The following RBM25 variants were observed in gnomAD, a reference collection of about 807,000 sequenced individuals.
RBM25 encodes the protein RNA-binding protein 25.
Under a neutral mutation model 120.7 loss-of-function variants are expected in RBM25, and 19 were observed. The ratio of observed to expected loss-of-function variants is 0.16; its 90% CI spans 0.11 to 0.23. The LOEUF is 0.23. Ranked by LOEUF, RBM25 falls within the 10% of genes least tolerant of loss-of-function variation. The probability of loss-of-function intolerance (pLI) is 1.00; values close to 1 mark genes in which losing one functional copy is unlikely to be tolerated. For missense variants in RBM25, 605 were observed against 1,041.5 expected (o/e 0.58, Z 5.77); for synonymous variants, 390 against 326.7 (o/e 1.19, Z -2.09).
At chr14:73,082,268 TC>T (rs1895580483) in intron 4 of RBM25, among the ~76,000 whole-genome samples, 1 of 152,114 alleles carries the variant, frequency 6.6e-6, no homozygotes. Flanking sequence ...CCTCCTTCTG[TC>T]TTTTTTTTAA....
intron 6 of RBM25, among the ~76,000 whole-genome samples, chr14:73,096,196 T>C (rs1895938625): frequency 2.0e-5 from 3 of 152,132 alleles, no homozygotes; most frequent in Admixed American, 2.0e-4. Context: ...AGGCTGGTCT[T>C]GAACTCCTGA....
chr14:73,113,965 T>C (rs1896370831), intron 17 of RBM25, among the ~76,000 whole-genome samples: 1 of 152,218 alleles, frequency 6.6e-6, no homozygotes, highest in African/African-American at 2.4e-5. Flanking sequence ...ATAGCTATGG[T>C]ATTTTTTTGC....
intron 2 of RBM25, 135 bp from the exon 3 acceptor site, chr14:73,076,184 T>C: frequency 1.4e-6 from 1 of 728,312 alleles, no homozygotes; most frequent in Non-Finnish European, 2.3e-6. Flanking sequence ...AATAAGATAG[T>C]ATTTATCAGT....
At position 73,076,340 on chromosome 14, in the gene RBM25, C is replaced by G; in HGVS notation, c.128C>G (p.Pro43Arg). 6.2e-7 allele frequency: 1 copy of G among 1,612,640 alleles called. No homozygotes were observed. The highest frequency in any genetic ancestry group is 8.5e-7 in the Non-Finnish European group (1 of 1,178,860). ...TTAGGGACCCCAATGATTCCTGTAC[C>G]AATGAGCATTATGGCTCCTGCTCCA... is the stretch of plus-strand genomic sequence containing the variant. ...VPPGTPMIPV[P>R]MSIMAPAPTV... Residue 43 changes from proline to arginine, a missense_variant, in exon 3 of 19, where the codon CCA becomes CGA. Pro to Arg is a moderately radical substitution (Grantham distance 103, BLOSUM62 -2). Coordinates refer to ENST00000261973, the MANE Select transcript of RBM25 (RefSeq NM_021239.3).
At chr14:73,065,927 T>C (rs1257366711) in intron 1 of RBM25, among the ~76,000 whole-genome samples, 2 of 152,196 alleles carry the variant, frequency 1.3e-5, no homozygotes, top group African/African-American at 2.4e-5. Context: ...AATGAGTTCA[T>C]GGCCCAGTCT....
chr14:73,093,948 G>GTTTTT (rs1004873413), intron 6 of RBM25, among the ~76,000 whole-genome samples: 20 of 122,188 alleles, frequency 1.6e-4, no homozygotes, highest in Non-Finnish European at 2.4e-4. Flanking sequence ...ATCAGGTTTT[G>GTTTTT]TTTTTTTTTT....
chr14:73,101,512 G>GTGTA (rs35216729), intron 9 of RBM25: 14 of 137,488 alleles, frequency 1.0e-4, no homozygotes, highest in African/African-American at 3.2e-4. Flanking sequence ...ATACATGTGT[G>GTGTA]TATATATATA....
intron 7 of RBM25, 63 bp from the exon 8 acceptor site, chr14:73,099,317 T>C: frequency 6.9e-7 from 1 of 1,439,942 alleles, no homozygotes; most frequent in East Asian, 2.3e-5. Context: ...GGCATTGCTT[T>C]GCAGATTAGT....
intron 14 of RBM25, among the ~76,000 whole-genome samples, chr14:73,109,767 T>G (rs1035562320): frequency 1.3e-5 from 2 of 151,942 alleles, no homozygotes; most frequent in Non-Finnish European, 2.9e-5. Flanking sequence ...CACTCCAGCC[T>G]GGGCGACAGA....
Position 73,122,760 on chromosome 14 carries a change from G to C in RBM25, c.*2955G>C, listed in dbSNP as rs1012054066. Reference sequence around the variant, plus strand: ...CATCTGAGGAGTGCTTGTAGAAATAGAGACACTGAAGTAGCAGCGCTGGGG... The same window carrying C: ...CATCTGAGGAGTGCTTGTAGAAATACAGACACTGAAGTAGCAGCGCTGGGG... On this transcript the variant is annotated 3_prime_UTR_variant, in exon 19 of 19. Coordinates refer to ENST00000261973, the MANE Select transcript of RBM25 (RefSeq NM_021239.3). The C allele has an allele frequency of 3.3e-5, 5 of 152,178 alleles. No homozygotes were observed. The highest frequency in any genetic ancestry group is 7.3e-5 in the Non-Finnish European group (5 of 68,028). 9.4% of individuals were successfully genotyped at this position (152,178 alleles called of 1,614,324 possible).
intron 17 of RBM25, 133 bp downstream of exon 17, chr14:73,112,383 C>CT (rs1255257099): frequency 3.6e-6 from 3 of 825,610 alleles, no homozygotes; most frequent in Non-Finnish European, 5.0e-6. Flanking sequence ...TTTATATCTG[C>CT]TTTTTTAAAG....
intron 4 of RBM25, among the ~76,000 whole-genome samples, chr14:73,081,120 G>A (rs1317118069): frequency 6.6e-6 from 1 of 150,978 alleles, no homozygotes; most frequent in Non-Finnish European, 1.5e-5. Context: ...CCACTGCCTA[G>A]TCCATTTTCT....
At chr14:73,067,604 A>ATTT (rs1050067182) in intron 1 of RBM25, among the ~76,000 whole-genome samples, 1 of 106,318 alleles carries the variant, frequency 9.4e-6, no homozygotes, top group Non-Finnish European at 1.9e-5. Context: ...TATTGCCTGT[A>ATTT]TTTTTTTTTT....
intron 7 of RBM25, among the ~76,000 whole-genome samples, chr14:73,097,883 T>C (rs1256315566): frequency 2.6e-5 from 4 of 152,216 alleles, no homozygotes; most frequent in African/African-American, 9.7e-5. Flanking sequence ...CTAAGCTAAT[T>C]GTCCAGGTTG....
intron 13 of RBM25, among the ~76,000 whole-genome samples, chr14:73,108,906 C>T (rs1463230022): frequency 6.6e-6 from 1 of 152,140 alleles, no homozygotes; most frequent in African/African-American, 2.4e-5. Flanking sequence ...TCTGTTGATT[C>T]TACACTACTT....
Position 73,122,014 on chromosome 14 carries a change from A to G in RBM25, c.*2209A>G, listed in dbSNP as rs921934454. Reference sequence around the variant, plus strand: ...CAGTTTAAATCATGTTTTGTAACCAAGCTTCAGTAAAAGGCTTTAGATTGT... The same window carrying G: ...CAGTTTAAATCATGTTTTGTAACCAGGCTTCAGTAAAAGGCTTTAGATTGT... On this transcript the variant is annotated 3_prime_UTR_variant, in exon 19 of 19. Coordinates refer to ENST00000261973, the MANE Select transcript of RBM25 (RefSeq NM_021239.3). 1 of 152,246 alleles carries G rather than the reference A, an allele frequency of 6.6e-6. No homozygotes were observed. The highest frequency in any genetic ancestry group is 2.4e-5 in the African/African-American group (1 of 41,466). The allele number at this position is 152,246 out of a possible 1,614,324, so 9.4% of individuals were successfully genotyped here.
At chr14:73,112,636 C>G (rs185221641) in intron 17 of RBM25, among the ~76,000 whole-genome samples, 1 of 152,132 alleles carries the variant, frequency 6.6e-6, no homozygotes, top group East Asian at 1.9e-4. Flanking sequence ...TTGGACGTAG[C>G]CAATATCTTT....
chr14:73,082,910 A>AT (rs1248043456), intron 4 of RBM25, among the ~76,000 whole-genome samples: 1 of 151,228 alleles, frequency 6.6e-6, no homozygotes, highest in Non-Finnish European at 1.5e-5. Flanking sequence ...AAATAAATAA[A>AT]AAAAAAAAAA....
At position 73,096,932 on chromosome 14, in the gene RBM25, T is replaced by G. The variant is rs367772590; in HGVS notation, c.561T>G (p.Thr187=). The G allele has an allele frequency of 6.2e-7, 1 of 1,612,110 alleles. No individual in the cohort carries two copies. Among genetic ancestry groups the G allele is most frequent in the Non-Finnish European group, 8.5e-7 (1 of 1,179,656 alleles). The stretch of plus-strand genomic sequence containing the variant: ...TGTTTAAGAATGCAAGGCCAGAAAC[T>G]GTCACTAATGACGATGAAGAAGCCT... ...KASNGNARPE[T]VTNDDEEALD... Residue 187 remains threonine (T), a synonymous_variant, in exon 7 of 19, where the codon ACT becomes ACG. Transcript: ENST00000261973.
Sources: gnomAD v4.1 joint callset for allele counts (sites outside exome capture counted in the v4.1 genomes callset) on GRCh38, gnomAD v4.1.1 for gene constraint, MANE v1.5 for transcripts, NCBI Gene and HGNC (gene_info 2026-07-23, HGNC 2026-07-21) for gene names.